Variants in FAF1 observed in about 807,000 individuals in gnomAD.
The protein encoded by FAF1 is FAS-associated factor 1.
Under a neutral mutation model 92.5 loss-of-function variants are expected in FAF1, and 25 were observed. The ratio of observed to expected loss-of-function variants is 0.27; its 90% CI spans 0.20 to 0.38. The LOEUF is 0.38. Among genes scored for constraint, FAF1 ranks in the 10% least tolerant of loss-of-function variants. The pLI, the probability that FAF1 is intolerant of heterozygous loss-of-function variation, is 1.00. For missense variants in FAF1, 636 were observed against 793.3 expected (o/e 0.80, Z 2.38); for synonymous variants, 234 against 273.2 (o/e 0.86, Z 1.42).
At chr1:50,524,782 C>A (rs910056634) in intron 15 of FAF1, among the ~76,000 whole-genome samples, 1 of 152,152 alleles carries the variant, frequency 6.6e-6, no homozygotes, top group Non-Finnish European at 1.5e-5. Flanking sequence ...ATTTTGGGTA[C>A]TGCAACCCTG....
At chr1:50,645,909 T>G (rs1403480844) in intron 8 of FAF1, among the ~76,000 whole-genome samples, 2 of 152,112 alleles carry the variant, frequency 1.3e-5, no homozygotes, top group Non-Finnish European at 2.9e-5. Flanking sequence ...AAACAGATGC[T>G]GAGTGAGATT....
intron 8 of FAF1, among the ~76,000 whole-genome samples, chr1:50,626,087 C>T (rs1015828186): frequency 2.6e-5 from 4 of 152,178 alleles, no homozygotes; most frequent in African/African-American, 4.8e-5. Context: ...TAATTATAAT[C>T]TTCAGTAGGA....
chr1:50,544,144 C>A (rs1006949155), intron 13 of FAF1, among the ~76,000 whole-genome samples: 1 of 152,052 alleles, frequency 6.6e-6, no homozygotes, highest in African/African-American at 2.4e-5. Context: ...GTTGCACCTC[C>A]CAACATTTCC....
chr1:50,540,601 CG>C (rs1648714062), intron 13 of FAF1, among the ~76,000 whole-genome samples: 1 of 152,106 alleles, frequency 6.6e-6, no homozygotes, highest in African/African-American at 2.4e-5. Context: ...ATTCTTAACA[CG>C]ATCTGGAATA....
At chr1:50,662,412 A>C (rs1655414837) in intron 7 of FAF1, among the ~76,000 whole-genome samples, 1 of 152,200 alleles carries the variant, frequency 6.6e-6, no homozygotes, top group Non-Finnish European at 1.5e-5. Flanking sequence ...AAGAAATTTG[A>C]CAATTGCCTT....
intron 15 of FAF1, among the ~76,000 whole-genome samples, chr1:50,516,939 T>C (rs1647240315): frequency 6.6e-6 from 1 of 152,210 alleles, no homozygotes; most frequent in African/African-American, 2.4e-5. Flanking sequence ...TTTGTCTCAG[T>C]TACACCTGGA....
At chr1:50,677,557 TAAATG>T (rs1448594779) in intron 7 of FAF1, among the ~76,000 whole-genome samples, 3 of 152,218 alleles carry the variant, frequency 2.0e-5, no homozygotes, top group African/African-American at 7.2e-5. Context: ...TCAATCTGAA[TAAATG>T]AAATAATTTC....
chr1:50,503,296 G>A (rs371423654), intron 15 of FAF1, among the ~76,000 whole-genome samples: 2 of 152,096 alleles, frequency 1.3e-5, no homozygotes, highest in Admixed American at 6.5e-5. Context: ...TGTATCTTAT[G>A]TAAATTCCAT....
chr1:50,481,715 G>A (rs917099499), intron 17 of FAF1, among the ~76,000 whole-genome samples: 5 of 151,992 alleles, frequency 3.3e-5, no homozygotes, highest in African/African-American at 9.7e-5. Flanking sequence ...GTGGGGGGAG[G>A]GGTAAAATTT....
chr1:50,832,561 C>A (rs1267737022), intron 2 of FAF1, among the ~76,000 whole-genome samples: 1 of 152,144 alleles, frequency 6.6e-6, no homozygotes. Flanking sequence ...TGTGCAATTT[C>A]AATAATATTA....
At chr1:50,705,981 T>A in intron 6 of FAF1, 90 bp from the exon 7 acceptor site, 1 of 693,758 alleles carries the variant, frequency 1.4e-6, no homozygotes, top group Non-Finnish European at 2.6e-6. Flanking sequence ...AGGAGTACCC[T>A]AACCTCCACA....
In FAF1 at chr1:50,624,388, C is replaced by T. The variant is rs1328174591; in HGVS notation, c.745-28172G>A. Among the ~76,000 whole-genome samples the T allele has an allele frequency of 2.6e-5, 4 of 152,156 alleles. No individual in the cohort carries two copies. The South Asian group carries it at 8.3e-4, about 32-fold the overall frequency. ...TGGTTCGAACTCCTGACCTTGTGATCTGCCCGCCTCGGCCTCCCAAAGTGC... is the reference window on the plus strand; with the variant it reads ...TGGTTCGAACTCCTGACCTTGTGATTTGCCCGCCTCGGCCTCCCAAAGTGC... On this transcript the variant is annotated intron_variant, in intron 8 of 18. Transcript: ENST00000396153.
chr1:50,893,944 G>A (rs1047333929), intron 1 of FAF1, among the ~76,000 whole-genome samples: 1 of 152,012 alleles, frequency 6.6e-6, no homozygotes, highest in Non-Finnish European at 1.5e-5. Flanking sequence ...CCTTTCCATA[G>A]GAAGAGGAGC....
rs533813934 is a variant in FAF1, at chr1:50,830,481, T to C, written c.114+27448A>G. On this transcript the variant is annotated intron_variant, in intron 2 of 18. Coordinates refer to ENST00000396153, the MANE Select transcript of FAF1 (RefSeq NM_007051.3). ...TCTTATAAACTTTCTATGATAGTTATTAGAGTTAATTCAAATTGACCATTA... is the reference window on the plus strand; with the variant it reads ...TCTTATAAACTTTCTATGATAGTTACTAGAGTTAATTCAAATTGACCATTA... 2.0e-5 allele frequency among the ~76,000 whole-genome samples: 3 copies of C among 152,350 alleles called. No individual in the cohort carries two copies. In the South Asian group the frequency reaches 6.2e-4, roughly 32 times the overall value.
intron 7 of FAF1, among the ~76,000 whole-genome samples, chr1:50,672,100 C>T (rs372167058): frequency 6.6e-6 from 1 of 150,958 alleles, no homozygotes; most frequent in African/African-American, 2.4e-5. Flanking sequence ...GGCTGGAGTA[C>T]AGTGGCGCGA....
chr1:50,458,879 A>C (rs746644486), intron 18 of FAF1, among the ~76,000 whole-genome samples: 33 of 152,334 alleles, frequency 2.2e-4, no homozygotes, highest in Admixed American at 4.6e-4. Flanking sequence ...CTAGAGGCTA[A>C]GTAATTTACA....
intron 1 of FAF1, among the ~76,000 whole-genome samples, chr1:50,885,020 A>C (rs1445525895): frequency 6.6e-6 from 1 of 152,102 alleles, no homozygotes; most frequent in Non-Finnish European, 1.5e-5. Context: ...ATTTGTCTAG[A>C]AAATTACTTC....
intron 17 of FAF1, among the ~76,000 whole-genome samples, chr1:50,487,567 T>C (rs1027852200): frequency 1.3e-5 from 2 of 152,216 alleles, no homozygotes; most frequent in African/African-American, 4.8e-5. Context: ...TCCCTCAGAA[T>C]AGTCTTACAG....
chr1:50,925,462 CAA>C (rs113312279), intron 1 of FAF1, among the ~76,000 whole-genome samples: 4 of 141,436 alleles, frequency 2.8e-5, no homozygotes, highest in Admixed American at 7.1e-5. Context: ...AACTTAGCAC[CAA>C]AAAAAAAAAA....
Sources: gnomAD v4.1 joint callset for allele counts (sites outside exome capture counted in the v4.1 genomes callset) on GRCh38, gnomAD v4.1.1 for gene constraint, MANE v1.5 for transcripts, NCBI Gene and HGNC (gene_info 2026-07-23, HGNC 2026-07-21) for gene names.